THSD7B: variants seen among roughly 807,000 people sequenced by gnomAD.
THSD7B encodes thrombospondin type-1 domain-containing protein 7B.
THSD7B carries 138 observed loss-of-function variants against 213.6 expected under a neutral mutation model. The observed-to-expected ratio is 0.65, with a 90% CI of 0.56 to 0.74. The LOEUF is 0.74. Ranked by LOEUF, THSD7B falls within the 30% of genes least tolerant of loss-of-function variation. THSD7B has a pLI of 0.00. For synonymous variants in THSD7B, 742 were observed against 687.0 expected, an observed-to-expected ratio of 1.08 and a Z score of -1.25; for missense variants, 1,931 against 1,991.5, an observed-to-expected ratio of 0.97 and a Z score of 0.58.
intron 1 of THSD7B, among the ~76,000 whole-genome samples, chr2:136,791,547 C>T (rs1191527056): frequency 1.3e-5 from 2 of 151,478 alleles, no homozygotes; most frequent in South Asian, 2.1e-4. Context: ...TCCACTCCCT[C>T]CCCCGCCCCC....
intron 1 of THSD7B, among the ~76,000 whole-genome samples, chr2:136,856,837 T>C (rs998602057): frequency 4.6e-5 from 7 of 152,196 alleles, no homozygotes; most frequent in African/African-American, 1.7e-4. Context: ...ATTTGACTAG[T>C]GTTCAGACTT....
chr2:136,915,851 A>G (rs1432523011), intron 2 of THSD7B, among the ~76,000 whole-genome samples: 2 of 152,240 alleles, frequency 1.3e-5, no homozygotes, highest in African/African-American at 4.8e-5. Flanking sequence ...TTCAACAACA[A>G]CAAAAGGAGA....
At chr2:137,325,415 A>G (rs1016496906) in intron 12 of THSD7B, among the ~76,000 whole-genome samples, 6 of 152,200 alleles carry the variant, frequency 3.9e-5, no homozygotes, top group African/African-American at 1.4e-4. Flanking sequence ...GGTATCACAC[A>G]GGAAACCTGG....
chr2:137,654,147 T>C (rs570782214), intron 21 of THSD7B, among the ~76,000 whole-genome samples: 3 of 152,210 alleles, frequency 2.0e-5, no homozygotes, highest in Admixed American at 1.3e-4. Context: ...TTTTTAGCAC[T>C]ATATAGCATC....
chr2:137,276,795 A>G (rs1682884351), intron 12 of THSD7B, among the ~76,000 whole-genome samples: 1 of 152,250 alleles, frequency 6.6e-6, no homozygotes, highest in East Asian at 1.9e-4. Flanking sequence ...TACTGGTTTC[A>G]TAATTAATGT....
intron 2 of THSD7B, among the ~76,000 whole-genome samples, chr2:136,908,241 AT>A (rs1268472224): frequency 6.6e-6 from 1 of 152,184 alleles, no homozygotes; most frequent in Non-Finnish European, 1.5e-5. Context: ...TATATTAAGA[AT>A]TTTCACATAA....
chr2:136,870,066 C>T (rs1486920384), intron 1 of THSD7B, among the ~76,000 whole-genome samples: 3 of 75,622 alleles, frequency 4.0e-5, no homozygotes, highest in African/African-American at 5.5e-5. Context: ...AGCGAGACTC[C>T]GTCTCAAAAA....
intron 12 of THSD7B, among the ~76,000 whole-genome samples, chr2:137,288,207 G>T (rs1683229231): frequency 6.6e-6 from 1 of 152,060 alleles, no homozygotes; most frequent in Non-Finnish European, 1.5e-5. Flanking sequence ...AACTAACAGA[G>T]GAGAGTCAAA....
At chr2:137,169,588 G>A (rs1022563486) in intron 6 of THSD7B, among the ~76,000 whole-genome samples, 11 of 152,006 alleles carry the variant, frequency 7.2e-5, no homozygotes, top group African/African-American at 1.7e-4. Flanking sequence ...TACTTACTCC[G>A]AGGAATAAAT....
intron 2 of THSD7B, among the ~76,000 whole-genome samples, chr2:136,965,056 T>C (rs1685290608): frequency 6.6e-6 from 1 of 152,082 alleles, no homozygotes; most frequent in Non-Finnish European, 1.5e-5. Context: ...CTGTCTGTAT[T>C]GTCTCATTAT....
intron 17 of THSD7B, among the ~76,000 whole-genome samples, chr2:137,600,142 T>G (rs894357470): frequency 6.6e-5 from 10 of 152,022 alleles, no homozygotes; most frequent in Admixed American, 3.9e-4. Context: ...GAGAGAGAGA[T>G]AAAAACATTT....
chr2:137,673,306 A>T (rs1683619686), intron 27 of THSD7B, among the ~76,000 whole-genome samples: 1 of 152,210 alleles, frequency 6.6e-6, no homozygotes, highest in African/African-American at 2.4e-5. Context: ...CTAGGATTGC[A>T]AAATGGTTTT....
rs926865772 is a variant in THSD7B, at chr2:137,233,267, A to G, written c.2150+134A>G. The G allele has an allele frequency of 1.7e-5, 13 of 780,864 alleles. No homozygotes were observed. The East Asian group carries it at 3.3e-4, about 20-fold the overall frequency. The allele number at this position is 780,864 out of a possible 1,614,324, so 48.4% of individuals were successfully genotyped here. On this transcript the variant is annotated intron_variant, in intron 9 of 27. Coordinates refer to ENST00000409968, the MANE Select transcript of THSD7B (RefSeq NM_001316349.2). ...GAGGGTTTGTTGTTGCTGTTTGACCATTAAAGATTAAAACATGTGCCTCAA... is the reference window on the plus strand; with the variant it reads ...GAGGGTTTGTTGTTGCTGTTTGACCGTTAAAGATTAAAACATGTGCCTCAA...
At chr2:137,633,989 G>T (rs1194959070) in intron 20 of THSD7B, among the ~76,000 whole-genome samples, 1 of 152,026 alleles carries the variant, frequency 6.6e-6, no homozygotes, top group Admixed American at 6.6e-5. Flanking sequence ...GTATTCCTTT[G>T]CTTCTTTTTC....
At chr2:137,214,594 CCT>C (rs2105037769) in intron 7 of THSD7B, among the ~76,000 whole-genome samples, 1 of 152,070 alleles carries the variant, frequency 6.6e-6, no homozygotes, top group Admixed American at 6.5e-5. Flanking sequence ...CCCCCCACCC[CCT>C]GACAGGCCCC....
At chr2:136,929,476 A>G (rs1023112151) in intron 2 of THSD7B, among the ~76,000 whole-genome samples, 2 of 152,272 alleles carry the variant, frequency 1.3e-5, no homozygotes, top group African/African-American at 2.4e-5. Flanking sequence ...AGGTCTTTGT[A>G]TGTCATCTTA....
At chr2:137,236,652 G>A (rs1338559626) in intron 9 of THSD7B, among the ~76,000 whole-genome samples, 1 of 152,140 alleles carries the variant, frequency 6.6e-6, no homozygotes, top group African/African-American at 2.4e-5. Flanking sequence ...GCAATAAATA[G>A]CTCCATTTAA....
At chr2:137,273,317 T>C (rs544685292) in intron 11 of THSD7B, among the ~76,000 whole-genome samples, 56 of 152,180 alleles carry the variant, frequency 3.7e-4, no homozygotes, top group African/African-American at 1.3e-3. Context: ...TCTTGGCAAA[T>C]TGGTGATTAC....
chr2:137,611,028 TAAA>T (rs1198118804), intron 17 of THSD7B, among the ~76,000 whole-genome samples: 1 of 148,948 alleles, frequency 6.7e-6, no homozygotes, highest in African/African-American at 2.4e-5. Context: ...AAATAAAAAA[TAAA>T]AAAGTTATAG....
Sources: allele counts gnomAD v4.1 joint callset (sites outside exome capture counted in the v4.1 genomes callset), GRCh38; gene constraint gnomAD v4.1.1; transcripts MANE v1.5; gene names NCBI Gene and HGNC (gene_info 2026-07-23, HGNC 2026-07-21).